Variants in LOXHD1 observed in about 807,000 individuals in gnomAD.
LOXHD1 encodes the protein lipoxygenase homology PLAT domains 1.
LOXHD1 carries 205 observed loss-of-function variants against 248.2 expected under a neutral mutation model. That is an observed-to-expected ratio of 0.83 (90% confidence interval 0.74 to 0.93). The LOEUF (loss-of-function observed/expected upper bound fraction) is 0.93. Ranked by LOEUF, LOXHD1 falls within the 40% of genes least tolerant of loss-of-function variation. The probability of loss-of-function intolerance (pLI) is 0.00; values close to 1 mark genes in which losing one functional copy is unlikely to be tolerated. For synonymous variants in LOXHD1, 1,113 were observed against 1,162.8 expected, an observed-to-expected ratio of 0.96 and a Z score of 0.87; for missense variants, 2,930 against 2,971.6, an observed-to-expected ratio of 0.99 and a Z score of 0.33.
At chr18:46,529,478 T>G (rs1007541303) in intron 28 of LOXHD1, 147 bp from the exon 29 acceptor site, 65 of 889,718 alleles carry the variant, frequency 7.3e-5, no homozygotes, top group Non-Finnish European at 9.5e-5. Flanking sequence ...TGCTCAATTA[T>G]GCATACTCAG....
chr18:46,595,442 C>T (rs1459622926), intron 8 of LOXHD1, among the ~76,000 whole-genome samples: 1 of 152,152 alleles, frequency 6.6e-6, no homozygotes, highest in Non-Finnish European at 1.5e-5. Context: ...CACAAATATA[C>T]TGGCAATTAA....
chr18:46,560,597 G>A (rs1351013782), intron 18 of LOXHD1, 52 bp from the exon 19 acceptor site: 5 of 1,444,742 alleles, frequency 3.5e-6, no homozygotes, highest in South Asian at 2.7e-5. Flanking sequence ...CCTCCCCAAC[G>A]CCCCCAACAC....
Position 46,538,070 on chromosome 18 carries a change from G to A in LOXHD1, c.4095+86C>T, listed in dbSNP as rs1229755869. On this transcript the variant is annotated intron_variant, in intron 26 of 40. Coordinates refer to ENST00000642948, the MANE Select transcript of LOXHD1 (RefSeq NM_001384474.1). ...TAATAGCAGTGCATCAGGATGAAGG[G>A]CATGTGTTCTGCCCTGAAGGTAGGG... The A allele has an allele frequency of 3.3e-6, 4 of 1,219,024 alleles. No homozygotes were observed. In the African/African-American group the frequency reaches 4.5e-5, roughly 14 times the overall value. 75.5% of individuals were successfully genotyped at this position (1,219,024 alleles called of 1,614,324 possible). A position where few individuals can be genotyped will look rare whatever the true frequency, so the allele number is the denominator to read the frequency against.
rs554450479 is a variant in LOXHD1 at position 46,641,444 on chromosome 18, C to T, written c.326+512G>A. On this transcript the variant is annotated intron_variant, in intron 3 of 40. Transcript: ENST00000642948. ...GAAGCCCCCAGAGAGGGCAAGACTG[C>T]GGATGCTCTCTGTCCAAAGACATGC... Among the ~76,000 whole-genome samples, 33 of 152,314 alleles carry T rather than the reference C, an allele frequency of 2.2e-4. 5 individuals are homozygous for T. Among genetic ancestry groups the T allele is most frequent in the East Asian group, 1.9e-3 (10 of 5,188 alleles).
intron 37 of LOXHD1, among the ~76,000 whole-genome samples, chr18:46,490,016 C>A (rs2033349819): frequency 6.6e-6 from 1 of 152,230 alleles, no homozygotes; most frequent in Non-Finnish European, 1.5e-5. Context: ...CCCACCATAG[C>A]ACAGCTATCA....
At chr18:46,500,916 T>C (rs2034184704) in intron 37 of LOXHD1, among the ~76,000 whole-genome samples, 1 of 152,212 alleles carries the variant, frequency 6.6e-6, no homozygotes, top group African/African-American at 2.4e-5. Context: ...AAATATCCCT[T>C]CTTCAGGAGG....
At chr18:46,639,853 C>T (rs1490611711) in intron 3 of LOXHD1, 53 bp from the exon 4 acceptor site, 1 of 1,541,756 alleles carries the variant, frequency 6.5e-7, no homozygotes, top group Non-Finnish European at 8.8e-7. Context: ...AAACAGCACC[C>T]CTTCCATACT....
At chr18:46,513,364 T>C (rs2035076169) in intron 34 of LOXHD1, among the ~76,000 whole-genome samples, 1 of 152,334 alleles carries the variant, frequency 6.6e-6, no homozygotes, top group East Asian at 1.9e-4. Context: ...TTGGAATCCA[T>C]GTATATAACT....
At chr18:46,477,158 A>G (rs777084709), downstream of LOXHD1, 10 of 718,916 alleles carry the variant, frequency 1.4e-5, no homozygotes, top group South Asian at 1.0e-4. Context: ...CTCCACTTCT[A>G]TCCCCTGGGT....
chr18:46,591,975 C>T lies in LOXHD1; in HGVS notation c.1612G>A (p.Glu538Lys). ...ACTGTTGGGCCTTCTGCAGTCATTT[C>T]CCTCACTATCTCATTGTCATCCTCA... ...ANEDDNEIVREMTAEGPTVRR... is the reference protein window; with the variant it reads ...ANEDDNEIVRKMTAEGPTVRR... The change falls in exon 12 of 41, where the codon GAA (glutamate) becomes AAA (lysine). Residue 538 changes from glutamate to lysine, a missense_variant. Transcript: ENST00000642948. 1.9e-6 allele frequency: 3 copies of T among 1,552,018 alleles called. No homozygotes were observed. The highest frequency in any genetic ancestry group is 2.6e-6 in the Non-Finnish European group (3 of 1,147,062).
In LOXHD1 at chr18:46,505,895, G is replaced by A. The variant is rs1302356760; in HGVS notation, c.5821C>T (p.Pro1941Ser). The A allele has an allele frequency of 1.9e-6, 3 of 1,551,816 alleles. No homozygotes were observed. The highest frequency in any genetic ancestry group is 2.4e-5 in the South Asian group (2 of 84,054). The change falls in exon 37 of 41, where the codon CCT becomes TCT. Residue 1941 changes from proline to serine, a missense_variant. Coordinates refer to ENST00000642948, the MANE Select transcript of LOXHD1 (RefSeq NM_001384474.1). The part of the protein sequence containing the change: ...ERNNTDTFNF[P>S]DMLSLGHLCK... ...AGGTGGCCCAAGCTCAGCATGTCAG[G>A]GAAGTTGAATGTGTCCGTGTTGTTC... is the stretch of plus-strand genomic sequence containing the variant.
chr18:46,593,264 T>C (rs2038205398), intron 10 of LOXHD1, among the ~76,000 whole-genome samples: 1 of 152,242 alleles, frequency 6.6e-6, no homozygotes, highest in Admixed American at 6.5e-5. Context: ...CAGTCCATAT[T>C]GGGCAGTCTG....
chr18:46,589,340 C>T (rs2038121858), intron 12 of LOXHD1, among the ~76,000 whole-genome samples: 1 of 152,128 alleles, frequency 6.6e-6, no homozygotes, highest in African/African-American at 2.4e-5. Flanking sequence ...ATACGAAGGG[C>T]TGTGAAAGGT....
chr18:46,635,459 T>C (rs1418302520), intron 4 of LOXHD1, among the ~76,000 whole-genome samples: 2 of 152,172 alleles, frequency 1.3e-5, no homozygotes, highest in South Asian at 4.1e-4. Context: ...ACCCACAGTC[T>C]AGTCCTAGCT....
intron 18 of LOXHD1, among the ~76,000 whole-genome samples, chr18:46,561,288 C>T (rs117553356): frequency 3.9e-5 from 6 of 152,194 alleles, no homozygotes; most frequent in Non-Finnish European, 8.8e-5. Flanking sequence ...TCCTTAAAGG[C>T]GGAGACCATC....
chr18:46,577,128 T>C (rs574604243), intron 14 of LOXHD1, among the ~76,000 whole-genome samples: 1 of 152,304 alleles, frequency 6.6e-6, no homozygotes, highest in African/African-American at 2.4e-5. Context: ...ACATAAAATG[T>C]GGAGAGCCAC....
intron 4 of LOXHD1, among the ~76,000 whole-genome samples, chr18:46,628,460 T>C (rs1198282889): frequency 6.6e-6 from 1 of 152,088 alleles, no homozygotes; most frequent in Non-Finnish European, 1.5e-5. Context: ...CCACAGCAAA[T>C]AGGCTCAGAG....
chr18:46,651,574 G>A (rs527460236), intron 1 of LOXHD1, among the ~76,000 whole-genome samples: 1 of 152,082 alleles, frequency 6.6e-6, no homozygotes, highest in African/African-American at 2.4e-5. Flanking sequence ...CATTGGAGAG[G>A]CATAGGAGAG....
At position 46,538,299 on chromosome 18, in the gene LOXHD1, AGACATCACTG is replaced by A; in HGVS notation, c.3942_3951del (p.Ser1315LeufsTer47). The A allele has an allele frequency of 6.4e-7, 1 of 1,551,518 alleles. No individual in the cohort carries two copies. Among genetic ancestry groups the A allele is most frequent in the Non-Finnish European group, 8.7e-7 (1 of 1,146,794 alleles). On this transcript the variant is annotated frameshift_variant, in exon 26 of 41. Transcript: ENST00000642948. LOFTEE classifies it high-confidence loss of function. ...ATGTTGGCATCTGTCCCAGCAGCAA[AGACATCACTG>A]GTGTAGAGGGTGATCTCGTAAGGAA...
Sources: gnomAD v4.1 joint callset for allele counts (sites outside exome capture counted in the v4.1 genomes callset) on GRCh38, gnomAD v4.1.1 for gene constraint, MANE v1.5 for transcripts, NCBI Gene and HGNC (gene_info 2026-07-23, HGNC 2026-07-21) for gene names.